The following EHBP1 variants were observed in gnomAD, a reference collection of about 807,000 sequenced individuals.
EHBP1 encodes EH domain binding protein 1.
In EHBP1, 55 loss-of-function variants were observed where a neutral mutation model predicts 144.0. The ratio of observed to expected loss-of-function variants is 0.38; its 90% confidence interval spans 0.31 to 0.48. The LOEUF (loss-of-function observed/expected upper bound fraction) is 0.48, where lower values mean the gene tolerates loss of function less well. Among genes scored for constraint, EHBP1 ranks in the 20% least tolerant of loss-of-function variants. The pLI, the probability that EHBP1 is intolerant of heterozygous loss-of-function variation, is 0.98. For synonymous variants in EHBP1, 469 were observed against 472.7 expected (o/e 0.99, Z 0.10); for missense variants, 1,200 against 1,364.2 (o/e 0.88, Z 1.90).
chr2:62,700,265 A>C (rs2034239205), intron 1 of EHBP1, among the ~76,000 whole-genome samples: 1 of 152,210 alleles, frequency 6.6e-6, no homozygotes, highest in African/African-American at 2.4e-5. Context: ...CATAAATCTC[A>C]ATCTAAAGAA....
intron 5 of EHBP1, among the ~76,000 whole-genome samples, chr2:62,812,033 G>A (rs2045054112): frequency 6.6e-6 from 1 of 152,146 alleles, no homozygotes; most frequent in African/African-American, 2.4e-5. Context: ...TTATGGGAGT[G>A]GGTTCTGTAT....
chr2:62,747,027 T>G (rs926094150), intron 2 of EHBP1, among the ~76,000 whole-genome samples: 3 of 152,094 alleles, frequency 2.0e-5, no homozygotes, highest in Non-Finnish European at 4.4e-5. Flanking sequence ...CAAGTGCCCT[T>G]TTTATGCTTG....
chr2:62,830,946 G>A, intron 6 of EHBP1, 73 bp from the exon 7 acceptor site: 1 of 1,491,720 alleles, frequency 6.7e-7, no homozygotes, highest in South Asian at 1.2e-5. Context: ...GGAATTTATT[G>A]TTTTCTTAAG....
intron 14 of EHBP1, among the ~76,000 whole-genome samples, chr2:62,968,364 A>G (rs1264475021): frequency 2.6e-5 from 4 of 152,170 alleles, no homozygotes; most frequent in African/African-American, 4.8e-5. Context: ...CCAAATACCA[A>G]TAGAGTATGT....
At chr2:62,729,593 T>TATATAATAATAA (rs1178550913) in intron 2 of EHBP1, among the ~76,000 whole-genome samples, 1 of 128,406 alleles carries the variant, frequency 7.8e-6, no homozygotes, top group Admixed American at 9.2e-5. Context: ...AATAATAATA[T>TATATAATAATAA]ATATAATAAT....
At chr2:62,936,201 TTGG>T (rs1482359902) in intron 10 of EHBP1, among the ~76,000 whole-genome samples, 1 of 152,158 alleles carries the variant, frequency 6.6e-6, no homozygotes, top group African/African-American at 2.4e-5. Context: ...GAATAAATGT[TTGG>T]TGGAACTTAT....
intron 2 of EHBP1, chr2:62,726,702 T>C (rs1344649158): frequency 6.6e-6 from 1 of 152,240 alleles, no homozygotes; most frequent in African/African-American, 2.4e-5. Context: ...AATCTGTTAC[T>C]GACTGTGAAC....
intron 1 of EHBP1, among the ~76,000 whole-genome samples, chr2:62,697,829 A>G (rs549405933): frequency 5.3e-5 from 8 of 152,372 alleles, no homozygotes; most frequent in African/African-American, 1.7e-4. Flanking sequence ...ATAAGATATT[A>G]TTAAGGGAAA....
intron 16 of EHBP1, among the ~76,000 whole-genome samples, chr2:62,992,424 C>G (rs574287680): frequency 2.0e-5 from 3 of 152,038 alleles, no homozygotes; most frequent in African/African-American, 7.2e-5. Flanking sequence ...ATTGGTTTTG[C>G]TTTCCAAAAC....
chr2:62,962,341 A>G (rs965628238), intron 14 of EHBP1, among the ~76,000 whole-genome samples: 4 of 152,206 alleles, frequency 2.6e-5, no homozygotes, highest in Non-Finnish European at 4.4e-5. Flanking sequence ...AAATAAAAAT[A>G]AAAAATAAAA....
At chr2:62,883,843 C>T (rs191998533) in intron 10 of EHBP1, among the ~76,000 whole-genome samples, 9 of 152,222 alleles carry the variant, frequency 5.9e-5, no homozygotes, top group African/African-American at 1.4e-4. Flanking sequence ...TCATGGCTCA[C>T]GCCTGTATTC....
intron 1 of EHBP1, among the ~76,000 whole-genome samples, chr2:62,674,308 A>G (rs1051645764): frequency 5.3e-5 from 8 of 152,208 alleles, no homozygotes; most frequent in Admixed American, 4.6e-4. Context: ...CTGGGGGCTT[A>G]CCTGAGCATT....
chr2:62,945,399 A>C (rs1040500161), intron 12 of EHBP1, among the ~76,000 whole-genome samples: 1 of 152,238 alleles, frequency 6.6e-6, no homozygotes, highest in African/African-American at 2.4e-5. Flanking sequence ...TTTTTAACAT[A>C]CTTTAAATTA....
chr2:62,994,443 A>G (rs941852310), intron 18 of EHBP1, among the ~76,000 whole-genome samples: 1 of 152,094 alleles, frequency 6.6e-6, no homozygotes. Flanking sequence ...TTAATATAAT[A>G]TATATGGTAA....
intron 13 of EHBP1, among the ~76,000 whole-genome samples, chr2:62,953,087 CA>C (rs1327027825): frequency 2.6e-5 from 4 of 151,848 alleles, no homozygotes; most frequent in Admixed American, 2.0e-4. Context: ...GGTGGTGGCA[CA>C]TGCCTGTAAT....
chr2:62,903,785 G>GAGGAGA (rs72375964), intron 10 of EHBP1, among the ~76,000 whole-genome samples: 12 of 150,516 alleles, frequency 8.0e-5, no homozygotes, highest in South Asian at 2.1e-4. Flanking sequence ...GAAGGAGAAG[G>GAGGAGA]AGGAGAAGGA....
intron 2 of EHBP1, among the ~76,000 whole-genome samples, chr2:62,727,837 T>G (rs545228759): frequency 6.6e-6 from 1 of 152,268 alleles, no homozygotes; most frequent in African/African-American, 2.4e-5. Flanking sequence ...CAAGTAGATA[T>G]CCCAGACAAG....
chr2:62,835,799 C>T (rs1358958989), intron 7 of EHBP1, among the ~76,000 whole-genome samples: 1 of 152,176 alleles, frequency 6.6e-6, no homozygotes, highest in South Asian at 2.1e-4. Context: ...TAAAAAACGG[C>T]GCACCACGAG....
chr2:63,019,114 T>TA (rs2060596903), intron 19 of EHBP1, among the ~76,000 whole-genome samples: 1 of 152,162 alleles, frequency 6.6e-6, no homozygotes, highest in Non-Finnish European at 1.5e-5. Context: ...TTATATCCAT[T>TA]AAAAAAATGC....
Sources: allele counts gnomAD v4.1 joint callset (sites outside exome capture counted in the v4.1 genomes callset), GRCh38; gene constraint gnomAD v4.1.1; transcripts MANE v1.5; gene names NCBI Gene and HGNC (gene_info 2026-07-23, HGNC 2026-07-21).